Variants in NPAS3 observed in about 807,000 individuals in gnomAD.
NPAS3 encodes neuronal PAS domain protein 3.
A neutral mutation model predicts 73.1 loss-of-function variants in NPAS3; 14 were observed. The ratio of observed to expected loss-of-function variants is 0.19; its 90% CI spans 0.13 to 0.30. The LOEUF is 0.30. Ranked by LOEUF, NPAS3 falls within the 10% of genes least tolerant of loss-of-function variation. The pLI, the probability that NPAS3 is intolerant of heterozygous loss-of-function variation, is 1.00. For missense variants in NPAS3, 1,096 were observed against 1,250.0 expected (o/e 0.88, Z 1.86); for synonymous variants, 620 against 541.5 (o/e 1.14, Z -2.01).
At chr14:33,356,088 A>C (rs1279252775) in intron 3 of NPAS3, among the ~76,000 whole-genome samples, 1 of 152,234 alleles carries the variant, frequency 6.6e-6, no homozygotes, top group Non-Finnish European at 1.5e-5. Flanking sequence ...GCACTGGGTA[A>C]GCACTCAGTA....
At chr14:33,792,644 T>C (rs1480224615) in intron 9 of NPAS3, among the ~76,000 whole-genome samples, 1 of 152,200 alleles carries the variant, frequency 6.6e-6, no homozygotes, top group South Asian at 2.1e-4. Flanking sequence ...AAGCACTTAT[T>C]AGCCGTAATT....
At chr14:33,180,090 T>C (rs2045736392) in intron 2 of NPAS3, among the ~76,000 whole-genome samples, 1 of 152,206 alleles carries the variant, frequency 6.6e-6, no homozygotes, top group Non-Finnish European at 1.5e-5. Context: ...TAGCTGCATA[T>C]CCCTATTTTG....
intron 4 of NPAS3, among the ~76,000 whole-genome samples, chr14:33,449,394 G>C (rs1009628195): frequency 2.0e-5 from 3 of 152,122 alleles, no homozygotes; most frequent in Non-Finnish European, 4.4e-5. Flanking sequence ...TTTATGTGTT[G>C]TCATGGCTGC....
At chr14:33,395,350 G>A (rs1042516682) in intron 4 of NPAS3, among the ~76,000 whole-genome samples, 1 of 151,588 alleles carries the variant, frequency 6.6e-6, no homozygotes, top group Non-Finnish European at 1.5e-5. Flanking sequence ...TTTTGAGGGT[G>A]TTTATCCAGA....
intron 3 of NPAS3, among the ~76,000 whole-genome samples, chr14:33,246,128 G>A (rs1224979705): frequency 1.3e-5 from 2 of 152,044 alleles, no homozygotes; most frequent in Admixed American, 6.5e-5. Flanking sequence ...TATGCCTCGA[G>A]CCTCAATTTC....
At chr14:33,264,627 A>T (rs930701350) in intron 3 of NPAS3, among the ~76,000 whole-genome samples, 1 of 152,148 alleles carries the variant, frequency 6.6e-6, no homozygotes, top group Non-Finnish European at 1.5e-5. Flanking sequence ...TACTAGGGAT[A>T]TTTGGGGAAG....
At chr14:33,789,782 G>A (rs7155933) in intron 9 of NPAS3, among the ~76,000 whole-genome samples, 47,189 of 149,628 alleles carry the variant, frequency 0.32, 7,740 homozygotes, top group African/African-American at 0.39. Context: ...GTAGAGACAG[G>A]GTTTCACCGT....
rs189055037 is a variant in NPAS3, at chr14:33,061,007, G to A, written c.140+5013G>A. 2.3e-3 allele frequency among the ~76,000 whole-genome samples: 349 copies of A among 152,324 alleles called. 1 individual carries two copies. The highest frequency in any genetic ancestry group is 7.8e-3 in the African/African-American group (323 of 41,584). ...TGGATTCACAACCAAAAGAGGGAAGGAATTAACAAGTTCCAGGGAAGAGAA... is the reference window on the plus strand; with the variant it reads ...TGGATTCACAACCAAAAGAGGGAAGAAATTAACAAGTTCCAGGGAAGAGAA... On this transcript the variant is annotated intron_variant, in intron 2 of 11. Transcript: ENST00000356141.
chr14:33,033,936 T>C (rs1381421234), intron 1 of NPAS3, among the ~76,000 whole-genome samples: 1 of 152,226 alleles, frequency 6.6e-6, no homozygotes, highest in African/African-American at 2.4e-5. Flanking sequence ...TATTTAATAA[T>C]GTTTAGAGGT....
At chr14:33,212,613 C>T (rs114448718) in intron 2 of NPAS3, among the ~76,000 whole-genome samples, 1 of 152,186 alleles carries the variant, frequency 6.6e-6, no homozygotes, top group African/African-American at 2.4e-5. Context: ...TCCCTAGTAT[C>T]TATCCTTTAT....
At chr14:33,791,184 A>G (rs539567024) in intron 9 of NPAS3, among the ~76,000 whole-genome samples, 35 of 152,244 alleles carry the variant, frequency 2.3e-4, no homozygotes, top group African/African-American at 8.2e-4. Flanking sequence ...TCAGCCGCCC[A>G]CGGTGGGCTC....
chr14:33,282,340 T>G (rs1771959931), intron 3 of NPAS3, among the ~76,000 whole-genome samples: 1 of 152,210 alleles, frequency 6.6e-6, no homozygotes, highest in Admixed American at 6.5e-5. Flanking sequence ...GTTCTGTGCC[T>G]GGCAGCTGGT....
At chr14:33,512,992 T>A (rs8018316) in intron 4 of NPAS3, among the ~76,000 whole-genome samples, 2 of 151,832 alleles carry the variant, frequency 1.3e-5, no homozygotes, top group Non-Finnish European at 2.9e-5. Flanking sequence ...GCAATTTTGA[T>A]GCTCTTTCTC....
At chr14:33,483,929 T>G (rs1422701837) in intron 4 of NPAS3, among the ~76,000 whole-genome samples, 1 of 152,178 alleles carries the variant, frequency 6.6e-6, no homozygotes, top group African/African-American at 2.4e-5. Context: ...GTTTTGTAAC[T>G]TTATACATTT....
chr14:33,753,108 A>C (rs2062012937), intron 7 of NPAS3, among the ~76,000 whole-genome samples: 1 of 152,180 alleles, frequency 6.6e-6, no homozygotes, highest in Admixed American at 6.5e-5. Context: ...AGAAGTGTTA[A>C]AACACTTTTA....
chr14:33,802,376 T>TAAAAA (rs71293230), downstream of NPAS3: 84 of 95,482 alleles, frequency 8.8e-4, no homozygotes, highest in East Asian at 5.6e-3. Flanking sequence ...GCACATTAAG[T>TAAAAA]AAAAAAAAAA....
intron 2 of NPAS3, among the ~76,000 whole-genome samples, chr14:33,062,001 A>T (rs1959181): frequency 6.6e-6 from 1 of 151,924 alleles, no homozygotes; most frequent in Non-Finnish European, 1.5e-5. Flanking sequence ...ATTGCAAAGG[A>T]CACAGGCAGA....
chr14:32,957,526 C>T (rs2036726132), intron 1 of NPAS3, among the ~76,000 whole-genome samples: 2 of 151,980 alleles, frequency 1.3e-5, no homozygotes, highest in African/African-American at 2.4e-5. Context: ...TGCCCACCAC[C>T]ACGCCCGGCT....
At chr14:33,163,805 C>T (rs923519023) in intron 2 of NPAS3, among the ~76,000 whole-genome samples, 2 of 151,878 alleles carry the variant, frequency 1.3e-5, no homozygotes, top group East Asian at 1.9e-4. Flanking sequence ...TATTCCAGGC[C>T]GAATGTGCCA....
Sources: allele counts gnomAD v4.1 joint callset (sites outside exome capture counted in the v4.1 genomes callset), GRCh38; gene constraint gnomAD v4.1.1; transcripts MANE v1.5; gene names NCBI Gene and HGNC (gene_info 2026-07-23, HGNC 2026-07-21).